Variants in EFCAB11 observed in about 807,000 individuals in gnomAD.
EFCAB11 encodes EF-hand calcium binding domain 11.
In EFCAB11, 14 loss-of-function variants were observed where a neutral mutation model predicts 23.0. That is an observed-to-expected ratio of 0.61 (90% CI 0.40 to 0.95). The LOEUF (loss-of-function observed/expected upper bound fraction) is 0.95. Among genes scored for constraint, EFCAB11 ranks in the 40% least tolerant of loss-of-function variants. EFCAB11 has a pLI of 0.00. For synonymous variants in EFCAB11, 65 were observed against 66.6 expected, an observed-to-expected ratio of 0.98 and a Z score of 0.11; for missense variants, 198 against 195.8, an observed-to-expected ratio of 1.01 and a Z score of -0.07.
At chr14:89,828,277 C>G (rs1886769867) in intron 5 of EFCAB11, among the ~76,000 whole-genome samples, 1 of 152,034 alleles carries the variant, frequency 6.6e-6, no homozygotes, top group East Asian at 1.9e-4. Context: ...TTATGACTGA[C>G]TTTATACGTT....
intron 5 of EFCAB11, among the ~76,000 whole-genome samples, chr14:89,816,566 T>C (rs1455535626): frequency 2.0e-5 from 3 of 152,172 alleles, no homozygotes; most frequent in Admixed American, 6.5e-5. Context: ...AAAGCATACA[T>C]TCCTAATCTT....
chr14:89,901,490 T>C (rs74563894), intron 5 of EFCAB11, among the ~76,000 whole-genome samples: 1 of 152,214 alleles, frequency 6.6e-6, no homozygotes. Flanking sequence ...ATCCGTTTCT[T>C]GGGCCCAGCA....
chr14:89,943,126 TAAG>T (rs1490982966), intron 3 of EFCAB11, among the ~76,000 whole-genome samples: 1 of 152,026 alleles, frequency 6.6e-6, no homozygotes, highest in South Asian at 2.1e-4. Context: ...TGTTCCGAAG[TAAG>T]AAGAACAATG....
rs1255548615 is a variant in EFCAB11 at position 89,834,449 on chromosome 14, G to A, written c.411-37125C>T. On this transcript the variant is annotated intron_variant, in intron 5 of 5. Transcript: ENST00000316738. Reference sequence around the variant, plus strand: ...AAGATTTGTGAGTCTACTTGCAACCGGCAATTGGATCTGCATATGTAATTT... The same window carrying A: ...AAGATTTGTGAGTCTACTTGCAACCAGCAATTGGATCTGCATATGTAATTT... Among the ~76,000 whole-genome samples, 26 of 148,332 alleles carry A rather than the reference G, an allele frequency of 1.8e-4. 1 individual carries two copies. Among genetic ancestry groups the A allele is most frequent in the Non-Finnish European group, 3.0e-4 (20 of 67,350 alleles).
intron 5 of EFCAB11, among the ~76,000 whole-genome samples, chr14:89,801,096 T>C (rs1164438169): frequency 1.3e-5 from 2 of 150,500 alleles, no homozygotes; most frequent in East Asian, 1.9e-4. Flanking sequence ...ATGAACAATT[T>C]AGGGCCATCT....
At chr14:89,843,194 A>C (rs1596396516) in intron 5 of EFCAB11, among the ~76,000 whole-genome samples, 2 of 152,240 alleles carry the variant, frequency 1.3e-5, no homozygotes, top group African/African-American at 4.8e-5. Context: ...TATACTCTTA[A>C]AAACTGAGAA....
chr14:89,933,256 G>C (rs1315403605), intron 3 of EFCAB11, among the ~76,000 whole-genome samples: 1 of 152,170 alleles, frequency 6.6e-6, no homozygotes, highest in Non-Finnish European at 1.5e-5. Flanking sequence ...AAATGAGATT[G>C]GATACTGTGC....
intron 5 of EFCAB11, among the ~76,000 whole-genome samples, chr14:89,821,475 C>T (rs187054969): frequency 6.6e-6 from 1 of 152,226 alleles, no homozygotes; most frequent in Admixed American, 6.5e-5. Context: ...GGCTCCTATG[C>T]TTATAAAACT....
intron 5 of EFCAB11, among the ~76,000 whole-genome samples, chr14:89,925,054 T>G (rs562388970): frequency 6.6e-6 from 1 of 152,212 alleles, no homozygotes. Context: ...CAATAAATAC[T>G]ATCAACATTT....
intron 5 of EFCAB11, chr14:89,931,262 G>A (rs1350340802): frequency 2.8e-6 from 1 of 359,182 alleles, no homozygotes; most frequent in African/African-American, 2.1e-5. Context: ...ATCTGAAGAA[G>A]TTCTTTCTTC....
At chr14:89,927,635 T>C (rs1475307404) in intron 5 of EFCAB11, among the ~76,000 whole-genome samples, 1 of 152,228 alleles carries the variant, frequency 6.6e-6, no homozygotes, top group East Asian at 1.9e-4. Flanking sequence ...ATGTGTGATA[T>C]GTTAGACATC....
At chr14:89,921,696 C>A (rs936647359) in intron 5 of EFCAB11, among the ~76,000 whole-genome samples, 1 of 152,152 alleles carries the variant, frequency 6.6e-6, no homozygotes, top group African/African-American at 2.4e-5. Flanking sequence ...AGACATAAGG[C>A]AACAAACTCA....
At chr14:89,952,420 C>T in intron 2 of EFCAB11, 1 of 985,414 alleles carries the variant, frequency 1.0e-6, no homozygotes, top group Non-Finnish European at 1.2e-6. Flanking sequence ...AAATACAATG[C>T]TTCACAGGCT....
intron 5 of EFCAB11, among the ~76,000 whole-genome samples, chr14:89,897,207 ATTTT>A (rs1156731502): frequency 1.5e-5 from 2 of 133,578 alleles, no homozygotes; most frequent in Admixed American, 7.6e-5. Context: ...GTATATGTGC[ATTTT>A]TTTTTTTTTT....
At chr14:89,938,027 T>G (rs904510852) in intron 3 of EFCAB11, 1 of 152,188 alleles carries the variant, frequency 6.6e-6, no homozygotes, top group African/African-American at 2.4e-5. Flanking sequence ...AATTTTTTAC[T>G]TGAAAGTTCC....
At chr14:89,820,219 A>AT (rs1217752424) in intron 5 of EFCAB11, among the ~76,000 whole-genome samples, 4 of 151,982 alleles carry the variant, frequency 2.6e-5, no homozygotes, top group African/African-American at 7.3e-5. Context: ...AGAGCTGTCG[A>AT]TTTTTTTTCT....
chr14:89,950,825 A>C (rs1002378052), intron 2 of EFCAB11, among the ~76,000 whole-genome samples: 16 of 152,144 alleles, frequency 1.1e-4, no homozygotes, highest in African/African-American at 3.4e-4. Context: ...AACCCTTCCC[A>C]GTATTTCCTG....
intron 5 of EFCAB11, among the ~76,000 whole-genome samples, chr14:89,800,750 G>A (rs1465074969): frequency 6.6e-6 from 1 of 152,102 alleles, no homozygotes; most frequent in Non-Finnish European, 1.5e-5. Context: ...AGACTCAAGA[G>A]AGCAGAACTG....
Position 89,903,664 on chromosome 14 carries a change from C to A in EFCAB11, c.410+27877G>T, listed in dbSNP as rs190880171. On this transcript the variant is annotated intron_variant, in intron 5 of 5. Coordinates refer to ENST00000316738, the MANE Select transcript of EFCAB11 (RefSeq NM_145231.4). ...CTGAGAAAATATTAGCACTTTAAAT[C>A]AATGTTAATTTTGGACTACGTTCAA... Among the ~76,000 whole-genome samples, 261 of 152,118 alleles carry A rather than the reference C, an allele frequency of 1.7e-3. 6 individuals carry two copies. Among genetic ancestry groups the A allele is most frequent in the Non-Finnish European group, 1.0e-4 (7 of 67,984 alleles).
Sources: gnomAD v4.1 joint callset for allele counts (sites outside exome capture counted in the v4.1 genomes callset) on GRCh38, gnomAD v4.1.1 for gene constraint, MANE v1.5 for transcripts, NCBI Gene and HGNC (gene_info 2026-07-23, HGNC 2026-07-21) for gene names.